The following FOSL2 variants were observed in gnomAD, a reference collection of about 807,000 sequenced individuals.
FOSL2 encodes the protein FOS like 2, AP-1 transcription factor subunit.
A neutral mutation model predicts 27.7 loss-of-function variants in FOSL2; 3 were observed. That is an observed-to-expected ratio of 0.11 (90% CI 0.05 to 0.28). The LOEUF (loss-of-function observed/expected upper bound fraction) is 0.28, where lower values mean the gene tolerates loss of function less well. FOSL2 is among the 10% of genes least tolerant of loss of function. The pLI, the probability that FOSL2 is intolerant of heterozygous loss-of-function variation, is 1.00. For missense variants in FOSL2, 333 were observed against 445.1 expected, an observed-to-expected ratio of 0.75 and a Z score of 2.27; for synonymous variants, 179 against 190.1, an observed-to-expected ratio of 0.94 and a Z score of 0.48.
Position 28,412,419 on chromosome 2 carries a change from T to C in FOSL2, c.952T>C (p.Leu318=). The C allele has an allele frequency of 6.2e-7, 1 of 1,601,746 alleles. No individual in the cohort carries two copies. The highest frequency in any genetic ancestry group is 8.5e-7 in the Non-Finnish European group (1 of 1,179,848). Residue 318 remains leucine (L), a synonymous_variant, in exon 4 of 4, where the codon TTG becomes CTG. Coordinates refer to ENST00000264716, the MANE Select transcript of FOSL2 (RefSeq NM_005253.4). This position sits in a 1 kb window ranked among gnomAD's most constrained non-coding sequence, Gnocchi z 7.1. ...SSSGDQSSDS[L]NSPTLLAL is the part of the protein sequence containing the mutation. ...CAGCGGGGACCAATCATCAGACTCC[T>C]TGAACTCCCCCACTCTGCTGGCTCT...
chr2:28,402,843 T>G (rs554663899), intron 1 of FOSL2, among the ~76,000 whole-genome samples: 127 of 152,360 alleles, frequency 8.3e-4, no homozygotes, highest in African/African-American at 2.9e-3. Context: ...ATTAGCAATG[T>G]GGCCTTGAAT....
Position 28,393,585 on chromosome 2 carries a change from G to T in FOSL2, c.-136G>T. On this transcript the variant is annotated 5_prime_UTR_variant, in exon 1 of 4. Coordinates refer to ENST00000264716, the MANE Select transcript of FOSL2 (RefSeq NM_005253.4). The surrounding 1 kb of genome is among the most constrained non-coding windows in gnomAD (Gnocchi z 4.6). Reference sequence around the variant, plus strand: ...CCCTGTCCTCGCCCTCCGCGGTGGGGGAGAAACCCAGGAGCGAAGCCCAGA... The same window carrying T: ...CCCTGTCCTCGCCCTCCGCGGTGGGTGAGAAACCCAGGAGCGAAGCCCAGA... 1.6e-6 allele frequency: 1 copy of T among 628,378 alleles called. No homozygotes were observed. The highest frequency in any genetic ancestry group is 2.7e-6 in the Non-Finnish European group (1 of 364,166). The allele number at this position is 628,378 out of a possible 1,614,324, so 38.9% of individuals were successfully genotyped here. A position where few individuals can be genotyped will look rare whatever the true frequency, so the allele number is the denominator to read the frequency against.
At position 28,404,516 on chromosome 2, in the gene FOSL2, C is replaced by T. The variant is rs1372644926; in HGVS notation, c.354+158C>T. 2.0e-5 allele frequency among the ~76,000 whole-genome samples: 3 copies of T among 152,146 alleles called. No individual in the cohort carries two copies. Among genetic ancestry groups the T allele is most frequent in the Non-Finnish European group, 2.9e-5 (2 of 68,022 alleles). ...GCACGTCATCCCCCTTACTGGAGGC[C>T]GAGCTGGAGAGCCAAGACTCAGGCT... On this transcript the variant is annotated intron_variant, in intron 2 of 3. Transcript: ENST00000264716. The surrounding 1 kb of genome is among the most constrained non-coding windows in gnomAD (Gnocchi z 4.7).
At chr2:28,402,298 G>A (rs1268331688) in intron 1 of FOSL2, among the ~76,000 whole-genome samples, 1 of 152,202 alleles carries the variant, frequency 6.6e-6, no homozygotes, top group Non-Finnish European at 1.5e-5. Flanking sequence ...AGAATCCATT[G>A]TGCTGGGCAG....
At chr2:28,406,881 G>A (rs1664094614) in intron 2 of FOSL2, among the ~76,000 whole-genome samples, 1 of 152,262 alleles carries the variant, frequency 6.6e-6, no homozygotes, top group Admixed American at 6.5e-5. Flanking sequence ...CTCCTCTTGG[G>A]AGGTTCCCTC....
Position 28,393,897 on chromosome 2 carries a change from C to G in FOSL2, c.102+75C>G. On this transcript the variant is annotated intron_variant, in intron 1 of 3. Coordinates refer to ENST00000264716, the MANE Select transcript of FOSL2 (RefSeq NM_005253.4). The surrounding 1 kb of genome is among the most constrained non-coding windows in gnomAD (Gnocchi z 4.6). The stretch of plus-strand genomic sequence containing the variant: ...CTTCTCGCCGCCACTGCCTCTTTTG[C>G]TTTCTTTTCTTTTTCTTGGCGAGAA... 1 of 1,006,600 alleles carries G rather than the reference C, an allele frequency of 9.9e-7. No individual in the cohort carries two copies. The highest frequency in any genetic ancestry group is 1.5e-6 in the Non-Finnish European group (1 of 685,314). 62.4% of individuals were successfully genotyped at this position (1,006,600 alleles called of 1,614,324 possible). A position where few individuals can be genotyped will look rare whatever the true frequency, so the allele number is the denominator to read the frequency against.
At chr2:28,402,909 C>T (rs1416941872) in intron 1 of FOSL2, among the ~76,000 whole-genome samples, 1 of 152,198 alleles carries the variant, frequency 6.6e-6, no homozygotes, top group African/African-American at 2.4e-5. Context: ...AGCTAATGGT[C>T]GTTCTTCACT....
At chr2:28,397,056 T>A (rs1263741747) in intron 1 of FOSL2, 1 of 152,196 alleles carries the variant, frequency 6.6e-6, no homozygotes, top group Non-Finnish European at 1.5e-5. Context: ...GGATGCTTTT[T>A]CTTTTTAATG....
intron 2 of FOSL2, among the ~76,000 whole-genome samples, chr2:28,405,233 C>G (rs974774102): frequency 5.9e-5 from 9 of 152,096 alleles, no homozygotes; most frequent in Admixed American, 5.9e-4. Context: ...AGAGCCCCAC[C>G]TCTCCCCCAT....
rs1385282288 is a variant in FOSL2, at chr2:28,393,483, C to T, written c.-238C>T. ...GGGAGGGATCGGGTGGACAACTGGT[C>T]CCGCGGCGCTCGCAGAGCCGGAAAG... On this transcript the variant is annotated 5_prime_UTR_variant, in exon 1 of 4. Coordinates refer to ENST00000264716, the MANE Select transcript of FOSL2 (RefSeq NM_005253.4). The surrounding 1 kb of genome is among the most constrained non-coding windows in gnomAD (Gnocchi z 4.6). 6.1e-6 allele frequency: 3 copies of T among 491,620 alleles called. No individual in the cohort carries two copies. The highest frequency in any genetic ancestry group is 2.5e-5 in the South Asian group (1 of 40,712). 30.5% of individuals were successfully genotyped at this position (491,620 alleles called of 1,614,324 possible). A position where few individuals can be genotyped will look rare whatever the true frequency, so the allele number is the denominator to read the frequency against.
rs1468415821 is a variant in FOSL2 at position 28,417,137 on chromosome 2, T to C, written c.*4689T>C. On this transcript the variant is annotated 3_prime_UTR_variant, in exon 4 of 4. Coordinates refer to ENST00000264716, the MANE Select transcript of FOSL2 (RefSeq NM_005253.4). ...GTTGTTGTTTTGTTGTTTTACTATA[T>C]GTAATACAAGCCTACAGTATTTGCA... 2 of 152,058 alleles carry C rather than the reference T, an allele frequency of 1.3e-5. No individual in the cohort carries two copies. The highest frequency in any genetic ancestry group is 2.9e-5 in the Non-Finnish European group (2 of 68,012). 9.4% of individuals were successfully genotyped at this position (152,058 alleles called of 1,614,324 possible).
In FOSL2 at chr2:28,412,266, G is replaced by C. The variant is rs545401735; in HGVS notation, c.799G>C (p.Val267Leu). The C allele has an allele frequency of 1.2e-6, 2 of 1,614,038 alleles. No homozygotes were observed. The highest frequency in any genetic ancestry group is 2.7e-5 in the African/African-American group (2 of 75,008). Residue 267 changes from valine (V) to leucine (L), a missense_variant, in exon 4 of 4, where the codon GTG (valine) becomes CTG (leucine). This residue lies in a region of FOSL2 where 136 missense variants were observed against 123.7 expected (regional missense o/e 1.10). Transcript: ENST00000264716. This position sits in a 1 kb window ranked among gnomAD's most constrained non-coding sequence, Gnocchi z 7.1. ...GGAGCCCCTGCACACCCCCATCGTG[G>C]TGACCTCCACACCTGCTGTCACTCC... Reference protein sequence around the residue: ...GEEPLHTPIVVTSTPAVTPGT... With the variant: ...GEEPLHTPIVLTSTPAVTPGT...
At position 28,393,928 on chromosome 2, in the gene FOSL2, C is replaced by T; in HGVS notation, c.102+106C>T. The T allele has an allele frequency of 3.8e-6, 3 of 791,146 alleles. No homozygotes were observed. Among genetic ancestry groups the T allele is most frequent in the Admixed American group, 2.7e-5 (1 of 36,802 alleles). 49.0% of individuals were successfully genotyped at this position (791,146 alleles called of 1,614,324 possible). ...TTTCTTTTTCTTGGCGAGAAAATAC[C>T]TACGGGCCACCGTTGTAAGTTCTGG... is the stretch of plus-strand genomic sequence containing the variant. On this transcript the variant is annotated intron_variant, in intron 1 of 3. Coordinates refer to ENST00000264716, the MANE Select transcript of FOSL2 (RefSeq NM_005253.4). The surrounding 1 kb of genome is among the most constrained non-coding windows in gnomAD (Gnocchi z 4.6).
rs1664302307 is a variant in FOSL2 at position 28,415,891 on chromosome 2, C to T, written c.*3443C>T. The T allele has an allele frequency of 6.6e-6, 1 of 152,138 alleles. No homozygotes were observed. The highest frequency in any genetic ancestry group is 6.5e-5 in the Admixed American group (1 of 15,268). The allele number at this position is 152,138 out of a possible 1,614,324, so 9.4% of individuals were successfully genotyped here. A position where few individuals can be genotyped will look rare whatever the true frequency, so the allele number is the denominator to read the frequency against. On this transcript the variant is annotated 3_prime_UTR_variant, in exon 4 of 4. Transcript: ENST00000264716. The stretch of plus-strand genomic sequence containing the variant: ...ATGTTTGTTCTCAAGGACTTATCCC[C>T]TACAATATTCTCCCACTCCATACTT...
At chr2:28,410,170 A>G (rs1485342156) in intron 3 of FOSL2, among the ~76,000 whole-genome samples, 1 of 152,194 alleles carries the variant, frequency 6.6e-6, no homozygotes, top group East Asian at 1.9e-4. Context: ...GCCTGTAGTA[A>G]TGGCCCTCGG....
At chr2:28,411,004 C>T (rs956618097) in intron 3 of FOSL2, among the ~76,000 whole-genome samples, 1 of 151,886 alleles carries the variant, frequency 6.6e-6, no homozygotes, top group African/African-American at 2.4e-5. Flanking sequence ...CAAAATTAGC[C>T]GGGTGTGGTG....
At chr2:28,409,780 G>A (rs762364469) in intron 3 of FOSL2, among the ~76,000 whole-genome samples, 4 of 152,004 alleles carry the variant, frequency 2.6e-5, no homozygotes, top group Admixed American at 1.3e-4. Context: ...CGCTCTTGTC[G>A]CCCAGGCTGG....
chr2:28,411,756 T>C (rs1664202524), intron 3 of FOSL2, 174 bp from the exon 4 acceptor site: 3 of 653,292 alleles, frequency 4.6e-6, no homozygotes, highest in East Asian at 5.4e-5. Context: ...TCTTTGGAAA[T>C]GAAAGGAATC....
intron 3 of FOSL2, 184 bp from the exon 4 acceptor site, chr2:28,411,746 T>C (rs1664202380): frequency 3.1e-6 from 2 of 638,982 alleles, no homozygotes; most frequent in Admixed American, 2.8e-5. Context: ...TGACTTTCCT[T>C]CTTTGGAAAT....
Sources: gnomAD v4.1 joint callset for allele counts (sites outside exome capture counted in the v4.1 genomes callset) on GRCh38, gnomAD v4.1.1 for gene constraint, gnomAD v4.1.1 regional missense constraint, Gnocchi (gnomAD v3.1) non-coding constraint, MANE v1.5 for transcripts, NCBI Gene and HGNC (gene_info 2026-07-23, HGNC 2026-07-21) for gene names.